TDP1: variants seen among roughly 807,000 people sequenced by gnomAD.
TDP1 encodes the protein tyrosyl-DNA phosphodiesterase 1, also known as tyr-DNA phosphodiesterase 1.
TDP1 carries 64 observed loss-of-function variants against 81.5 expected under a neutral mutation model. The ratio of observed to expected loss-of-function variants is 0.79; its 90% CI spans 0.64 to 0.97. The LOEUF is 0.97. Among genes scored for constraint, TDP1 ranks in the 50% least tolerant of loss-of-function variants. The pLI is 0.00. For synonymous variants in TDP1, 256 were observed against 264.3 expected (o/e 0.97, Z 0.30); for missense variants, 723 against 743.8 (o/e 0.97, Z 0.33).
chr14:89,969,635 C>T (rs1042519656), intron 5 of TDP1, among the ~76,000 whole-genome samples: 1 of 151,986 alleles, frequency 6.6e-6, no homozygotes, highest in Admixed American at 6.6e-5. Flanking sequence ...ATCACAGGTG[C>T]GTGTTTCATA....
chr14:89,984,944 T>C, intron 9 of TDP1, 188 bp from the exon 10 acceptor site: 1 of 979,144 alleles, frequency 1.0e-6, no homozygotes, highest in Non-Finnish European at 1.2e-6. Context: ...GTCTGGTACT[T>C]TACATCTTGT....
Position 90,043,700 on chromosome 14 carries a change from A to G in TDP1, c.*557A>G, listed in dbSNP as rs1280158490. On this transcript the variant is annotated 3_prime_UTR_variant, in exon 17 of 17. Transcript: ENST00000335725. ...ATTTGGAGCATCATGTCAGCACTCA[A>G]AAAGTTCTGGATCTTGGAGCAGTTC... 3.0e-5 allele frequency: 5 copies of G among 167,692 alleles called. No homozygotes were observed. The highest frequency in any genetic ancestry group is 2.3e-4 in the Admixed American group (4 of 17,360). The allele number at this position is 167,692 out of a possible 1,614,324, so 10.4% of individuals were successfully genotyped here.
At chr14:89,962,449 C>T (rs1399771502) in intron 2 of TDP1, among the ~76,000 whole-genome samples, 1 of 152,118 alleles carries the variant, frequency 6.6e-6, no homozygotes, top group Non-Finnish European at 1.5e-5. Context: ...ATTAAATGGA[C>T]CTTAATCCCA....
Position 89,963,245 on chromosome 14 carries a change from C to T in TDP1, c.131C>T (p.Pro44Leu). Residue 44 changes from proline to leucine, a missense_variant, in exon 3 of 17, where the codon CCC (proline) becomes CTC (leucine). By Grantham distance (98) the Pro-to-Leu change is moderately conservative. Coordinates refer to ENST00000335725, the MANE Select transcript of TDP1 (RefSeq NM_018319.4). ...LCARQGAANE[P>L]RYTCSEAQKA... is the part of the protein sequence containing the mutation. Reference sequence around the variant, plus strand: ...GCCAGGCAAGGAGCAGCAAATGAGCCCAGGTACACCTGTTCCGAGGCCCAG... The same window carrying T: ...GCCAGGCAAGGAGCAGCAAATGAGCTCAGGTACACCTGTTCCGAGGCCCAG... 6.2e-7 allele frequency: 1 copy of T among 1,614,122 alleles called. No homozygotes were observed. The highest frequency in any genetic ancestry group is 8.5e-7 in the Non-Finnish European group (1 of 1,180,020).
intron 9 of TDP1, 80 bp downstream of exon 9, chr14:89,984,763 C>T (rs1895369161): frequency 1.9e-6 from 3 of 1,601,994 alleles, no homozygotes; most frequent in Admixed American, 3.3e-5. Context: ...CATGCAGGGG[C>T]CTGGAAAGAG....
intron 15 of TDP1, among the ~76,000 whole-genome samples, chr14:90,029,538 A>G (rs1368053570): frequency 4.6e-5 from 6 of 130,468 alleles, no homozygotes; most frequent in African/African-American, 1.8e-4. Flanking sequence ...CATCACTGTC[A>G]CCTAGGCTGG....
At chr14:89,963,899 T>C (rs1199484923) in intron 3 of TDP1, among the ~76,000 whole-genome samples, 1 of 152,226 alleles carries the variant, frequency 6.6e-6, no homozygotes, top group Non-Finnish European at 1.5e-5. Flanking sequence ...CAACCCCTTA[T>C]ATCACTTAGC....
intron 14 of TDP1, among the ~76,000 whole-genome samples, chr14:90,004,359 C>A (rs1377495432): frequency 1.3e-5 from 2 of 152,210 alleles, no homozygotes; most frequent in Non-Finnish European, 2.9e-5. Flanking sequence ...CCACCAGGGA[C>A]TGGCCTCCAA....
At chr14:90,041,462 A>G (rs976900138) in intron 16 of TDP1, among the ~76,000 whole-genome samples, 2 of 152,162 alleles carry the variant, frequency 1.3e-5, no homozygotes, top group African/African-American at 2.4e-5. Context: ...TTTCCTACCT[A>G]TCCTGCTGGG....
intron 14 of TDP1, among the ~76,000 whole-genome samples, chr14:90,016,263 C>T (rs535230404): frequency 3.9e-5 from 6 of 152,024 alleles, no homozygotes; most frequent in Non-Finnish European, 5.9e-5. Flanking sequence ...AGACTGGTCT[C>T]GAACTCTCGA....
Position 89,989,534 on chromosome 14 carries a change from A to G in TDP1, c.1318-183A>G, listed in dbSNP as rs971760262. 8 of 741,144 alleles carry G rather than the reference A, an allele frequency of 1.1e-5. No homozygotes were observed. In the African/African-American group the frequency reaches 1.3e-4, roughly 12 times the overall value. The allele number at this position is 741,144 out of a possible 1,614,324, so 45.9% of individuals were successfully genotyped here. ...ATTGAAGTATAATTTTACATCAAAT[A>G]TGGTTCCTGTTGTTTAATTACTAGT... On this transcript the variant is annotated intron_variant, in intron 11 of 16. Coordinates refer to ENST00000335725, the MANE Select transcript of TDP1 (RefSeq NM_018319.4).
intron 9 of TDP1, chr14:89,984,896 C>T: frequency 1.0e-6 from 1 of 985,378 alleles, no homozygotes; most frequent in South Asian, 4.7e-5. Context: ...TTTACCTTAG[C>T]CTCCCACTGG....
In TDP1 at chr14:89,991,922, G is replaced by A. The variant is rs1896226501; in HGVS notation, c.1372G>A (p.Gly458Ser). The change falls in exon 13 of 17, where the codon GGC becomes AGC. Residue 458 changes from glycine to serine, a missense_variant. Transcript: ENST00000335725. ...TTTTATTTTTCTTTTAAAAGCTGGG[G>A]GCTCTCTTCCCTATAGCATCCAGAC... is the stretch of plus-strand genomic sequence containing the variant. ...RTSLEGYPAG[G>S]SLPYSIQTAE... 1 of 1,607,640 alleles carries A rather than the reference G, an allele frequency of 6.2e-7. No homozygotes were observed. Among genetic ancestry groups the A allele is most frequent in the African/African-American group, 1.3e-5 (1 of 74,880 alleles).
At position 90,014,456 on chromosome 14, in the gene TDP1, T is replaced by G. The variant is rs574210437; in HGVS notation, c.1542-4860T>G. On this transcript the variant is annotated intron_variant, in intron 14 of 16. Coordinates refer to ENST00000335725, the MANE Select transcript of TDP1 (RefSeq NM_018319.4). ...AGGAAAGGGCAACAGCAGCATTGGCTGGAGTCATGGTTTCCCCTCCACGTC... is the reference window on the plus strand; with the variant it reads ...AGGAAAGGGCAACAGCAGCATTGGCGGGAGTCATGGTTTCCCCTCCACGTC... Among the ~76,000 whole-genome samples, 315 of 152,328 alleles carry G rather than the reference T, an allele frequency of 2.1e-3. 3 individuals carry two copies. Among genetic ancestry groups the G allele is most frequent in the Non-Finnish European group, 3.9e-3 (265 of 68,032 alleles).
intron 15 of TDP1, 155 bp from the exon 16 acceptor site, chr14:90,032,951 A>G (rs1887449289): frequency 2.6e-6 from 2 of 763,732 alleles, no homozygotes; most frequent in Admixed American, 1.3e-4. Context: ...GGGGGTTGTA[A>G]ATATATTTGC....
At position 89,988,890 on chromosome 14, in the gene TDP1, TTTA is replaced by T. The variant is rs765329753; in HGVS notation, c.1132-12_1132-10del. On this transcript the variant is annotated splice_polypyrimidine_tract_variant and intron_variant, in intron 10 of 16. Coordinates refer to ENST00000335725, the MANE Select transcript of TDP1 (RefSeq NM_018319.4). ...TATTTGAGTCACTTTAACATTCACT[TTTA>T]TTCTTTCCCAGCTTCTGAAAGACCA... 6.2e-7 allele frequency: 1 copy of T among 1,613,988 alleles called. No individual in the cohort carries two copies. The highest frequency in any genetic ancestry group is 1.1e-5 in the South Asian group (1 of 91,080).
At chr14:89,993,998 A>T (rs2140140058) in intron 14 of TDP1, among the ~76,000 whole-genome samples, 1 of 152,188 alleles carries the variant, frequency 6.6e-6, no homozygotes, top group East Asian at 1.9e-4. Context: ...ATCTAAATTT[A>T]GAATATTTTC....
intron 9 of TDP1, 125 bp downstream of exon 9, chr14:89,984,808 TGAG>T: frequency 6.3e-7 from 1 of 1,585,508 alleles, no homozygotes; most frequent in Non-Finnish European, 8.5e-7. Flanking sequence ...CAGGATGTGA[TGAG>T]GGGATGAGCA....
At chr14:89,978,729 G>A (rs1366418731) in intron 7 of TDP1, among the ~76,000 whole-genome samples, 1 of 152,152 alleles carries the variant, frequency 6.6e-6, no homozygotes. Flanking sequence ...ATTTGTAAAC[G>A]TTCTATCATG....
Sources: gnomAD v4.1 joint callset for allele counts (sites outside exome capture counted in the v4.1 genomes callset) on GRCh38, gnomAD v4.1.1 for gene constraint, MANE v1.5 for transcripts, NCBI Gene and HGNC (gene_info 2026-07-23, HGNC 2026-07-21) for gene names.